The following HYDIN variants were observed in gnomAD, a reference collection of about 807,000 sequenced individuals.
The protein encoded by HYDIN is axonemal central pair apparatus protein HYDIN.
A neutral mutation model predicts 403.9 loss-of-function variants in HYDIN; 132 were observed. That is an observed-to-expected ratio of 0.33 (90% confidence interval 0.28 to 0.38). The LOEUF is 0.38. HYDIN is among the 10% of genes least tolerant of loss of function. HYDIN has a pLI of 1.00. For synonymous variants in HYDIN, 1,202 were observed against 1,891.7 expected (o/e 0.64, Z 9.46); for missense variants, 2,827 against 5,009.5 (o/e 0.56, Z 13.15).
intron 61 of HYDIN, 46 bp from the exon 62 acceptor site, chr16:70,879,532 G>C: frequency 6.2e-7 from 1 of 1,608,314 alleles, no homozygotes; most frequent in Non-Finnish European, 8.5e-7. Context: ...GGCATGGTGG[G>C]AATGACACTC....
chr16:71,226,984 A>G (rs1004311526), intron 1 of HYDIN, among the ~76,000 whole-genome samples: 5 of 152,184 alleles, frequency 3.3e-5, no homozygotes, highest in African/African-American at 1.2e-4. Context: ...TCTTTGTTCC[A>G]GTGATTGGCT....
intron 7 of HYDIN, among the ~76,000 whole-genome samples, chr16:71,151,016 T>C (rs531902798): frequency 6.6e-6 from 1 of 152,178 alleles, no homozygotes; most frequent in Non-Finnish European, 1.5e-5. Flanking sequence ...ACCACTAGTA[T>C]GTCTAAAATT....
At chr16:70,836,045 G>C (rs1265563581) in intron 77 of HYDIN, among the ~76,000 whole-genome samples, 1 of 151,838 alleles carries the variant, frequency 6.6e-6, no homozygotes. Flanking sequence ...GTACAACTGG[G>C]TCAAAATATA....
chr16:71,159,482 T>G (rs1280430163), intron 6 of HYDIN, among the ~76,000 whole-genome samples: 3 of 32,204 alleles, frequency 9.3e-5, no homozygotes. Flanking sequence ...AGATAATAGC[T>G]GAGATTTTCC....
At chr16:71,182,148 G>C (rs1424139902) in intron 3 of HYDIN, among the ~76,000 whole-genome samples, 2 of 152,158 alleles carry the variant, frequency 1.3e-5, no homozygotes, top group East Asian at 3.9e-4. Flanking sequence ...GACTGAGAGG[G>C]AGAAGAGTAG....
chr16:71,062,335 T>A lies in HYDIN; in HGVS notation c.2212-2A>T. 1 of 1,597,692 alleles carries A rather than the reference T, an allele frequency of 6.3e-7. No individual in the cohort carries two copies. Among genetic ancestry groups the A allele is most frequent in the Non-Finnish European group, 8.5e-7 (1 of 1,171,178 alleles). On this transcript the variant is annotated splice_acceptor_variant, in intron 16 of 85. Coordinates refer to ENST00000393567, the MANE Select transcript of HYDIN (RefSeq NM_001270974.2). LOFTEE classifies it high-confidence loss of function. ...CACAGTAGGCACCTCCTCACACACC[T>A]GGGGGAGAGAAAACCAGAGGGGTAA...
intron 18 of HYDIN, among the ~76,000 whole-genome samples, chr16:71,032,419 T>C (rs1484355675): frequency 6.6e-6 from 1 of 151,798 alleles, no homozygotes; most frequent in Non-Finnish European, 1.5e-5. Context: ...TAAGAAGTCA[T>C]CTGGATTTCT....
chr16:70,861,891 C>T (rs1431892594), intron 69 of HYDIN, among the ~76,000 whole-genome samples, 157 bp downstream of exon 69: 1 of 88,460 alleles, frequency 1.1e-5, no homozygotes, highest in Non-Finnish European at 2.3e-5. Flanking sequence ...AAAGGGTGGA[C>T]CCTTTAGATC....
intron 22 of HYDIN, 68 bp from the exon 23 acceptor site, chr16:71,018,510 A>AG (rs2080341867): frequency 1.7e-6 from 1 of 586,378 alleles, no homozygotes; most frequent in South Asian, 2.2e-5. Flanking sequence ...TACATGAAAC[A>AG]GGACAGCCAG....
chr16:70,810,451 A>G (rs1293740325), intron 84 of HYDIN, among the ~76,000 whole-genome samples: 1 of 152,216 alleles, frequency 6.6e-6, no homozygotes, highest in Non-Finnish European at 1.5e-5. Context: ...AAGGGAAACA[A>G]TTCGAATGTA....
At chr16:70,829,472 G>A (rs2143497440) in intron 81 of HYDIN, 146 bp downstream of exon 81, 2 of 663,762 alleles carry the variant, frequency 3.0e-6, no homozygotes, top group Non-Finnish European at 5.3e-6. Flanking sequence ...GACCTCAGGC[G>A]ATCCACCCTC....
chr16:71,222,870 T>C (rs764033306), intron 1 of HYDIN, among the ~76,000 whole-genome samples: 4 of 152,232 alleles, frequency 2.6e-5, no homozygotes, highest in Non-Finnish European at 4.4e-5. Flanking sequence ...ACACATCCTA[T>C]GCTCACGAAT....
rs1242537493 is a variant in HYDIN at position 70,806,345 on chromosome 16, C to T, written c.*1235G>A. Among the ~76,000 whole-genome samples, 1 of 151,430 alleles carries T rather than the reference C, an allele frequency of 6.6e-6. No individual in the cohort carries two copies. Among genetic ancestry groups the T allele is most frequent in the Non-Finnish European group, 1.5e-5 (1 of 68,022 alleles). ...TATTGTAAAGGTCTGTGTTTACAGA[C>T]ATTCTAGAAAAAGCTTTTTTGGTCC... On this transcript the variant is annotated 3_prime_UTR_variant, in exon 86 of 86. Transcript: ENST00000393567.
intron 41 of HYDIN, among the ~76,000 whole-genome samples, chr16:70,945,932 A>G (rs78356560): frequency 0.037 from 5,597 of 151,818 alleles, no homozygotes; most frequent in African/African-American, 0.086. Flanking sequence ...CAATGCGGCA[A>G]TTCTTTGGAG....
chr16:71,218,787 T>C (rs1161865449), intron 1 of HYDIN, among the ~76,000 whole-genome samples: 5 of 152,200 alleles, frequency 3.3e-5, no homozygotes, highest in Non-Finnish European at 7.4e-5. Flanking sequence ...TAAATCGTAA[T>C]TCCCTCTAGC....
intron 55 of HYDIN, chr16:70,893,630 C>T (rs2041608044): frequency 6.6e-6 from 1 of 152,162 alleles, no homozygotes; most frequent in Non-Finnish European, 1.5e-5. Context: ...GCGATCCTTC[C>T]ATTCCAGTCT....
intron 59 of HYDIN, among the ~76,000 whole-genome samples, chr16:70,883,602 G>GT (rs1319116697): frequency 1.3e-5 from 2 of 151,346 alleles, no homozygotes; most frequent in African/African-American, 2.4e-5. Flanking sequence ...TTATGTATTT[G>GT]TTTTTTTGAG....
intron 29 of HYDIN, among the ~76,000 whole-genome samples, chr16:70,979,375 T>C (rs1345821652): frequency 6.6e-6 from 1 of 151,872 alleles, no homozygotes; most frequent in East Asian, 1.9e-4. Flanking sequence ...GTTCTAGCAC[T>C]TAAACCCCTA....
chr16:71,204,058 C>G (rs1405661676), intron 1 of HYDIN: 1 of 208,054 alleles, frequency 4.8e-6, no homozygotes, highest in African/African-American at 2.3e-5. Flanking sequence ...GAGTCAGACT[C>G]TGTCTCAAAA....
Sources: gnomAD v4.1 joint callset for allele counts (sites outside exome capture counted in the v4.1 genomes callset) on GRCh38, gnomAD v4.1.1 for gene constraint, MANE v1.5 for transcripts, NCBI Gene and HGNC (gene_info 2026-07-23, HGNC 2026-07-21) for gene names.